The following EGFLAM variants were observed in gnomAD, a reference collection of about 807,000 sequenced individuals.
EGFLAM encodes pikachurin.
EGFLAM carries 79 observed loss-of-function variants against 113.1 expected under a neutral mutation model. That is an observed-to-expected ratio of 0.70 (90% confidence interval 0.58 to 0.84). The LOEUF (loss-of-function observed/expected upper bound fraction) is 0.84. EGFLAM is among the 40% of genes least tolerant of loss of function. EGFLAM has a pLI of 0.00. For missense variants in EGFLAM, 1,265 were observed against 1,291.6 expected, an observed-to-expected ratio of 0.98 and a Z score of 0.32; for synonymous variants, 504 against 487.6, an observed-to-expected ratio of 1.03 and a Z score of -0.44.
intron 1 of EGFLAM, among the ~76,000 whole-genome samples, chr5:38,327,228 C>T (rs1238879018): frequency 6.6e-6 from 1 of 152,194 alleles, no homozygotes; most frequent in East Asian, 1.9e-4. Context: ...GAGACAGCAC[C>T]ATTTGCTCCA....
rs558461425 is a variant in EGFLAM, at chr5:38,375,344, C to T, written c.712+4882C>T. On this transcript the variant is annotated intron_variant, in intron 6 of 21. Coordinates refer to ENST00000322350, the MANE Select transcript of EGFLAM (RefSeq NM_152403.4). Reference sequence around the variant, plus strand: ...TTGTGAGGTCAGAATTTCCACATGTCGGGCTTACCCCATTCTCGTCCCTCT... The same window carrying T: ...TTGTGAGGTCAGAATTTCCACATGTTGGGCTTACCCCATTCTCGTCCCTCT... Among the ~76,000 whole-genome samples, 117 of 152,132 alleles carry T rather than the reference C, an allele frequency of 7.7e-4. 3 individuals carry two copies. The highest frequency in any genetic ancestry group is 2.4e-4 in the Non-Finnish European group (16 of 68,016).
intron 5 of EGFLAM, among the ~76,000 whole-genome samples, chr5:38,358,340 G>A (rs746038064): frequency 4.0e-5 from 6 of 150,914 alleles, no homozygotes; most frequent in African/African-American, 7.3e-5. Context: ...CCAGCTACTC[G>A]GGAGGCTGAG....
At chr5:38,319,332 TC>T (rs1738683463) in intron 1 of EGFLAM, among the ~76,000 whole-genome samples, 1 of 152,106 alleles carries the variant, frequency 6.6e-6, no homozygotes. Flanking sequence ...AAGAGAAAAT[TC>T]AGGTTGAGAG....
At chr5:38,316,312 A>G (rs1179301678) in intron 1 of EGFLAM, among the ~76,000 whole-genome samples, 3 of 151,886 alleles carry the variant, frequency 2.0e-5, no homozygotes, top group Non-Finnish European at 4.4e-5. Context: ...TCCAGTCCCC[A>G]TGACTGTGTC....
At chr5:38,447,982 C>T (rs1006400219) in intron 17 of EGFLAM, among the ~76,000 whole-genome samples, 2 of 152,170 alleles carry the variant, frequency 1.3e-5, no homozygotes, top group East Asian at 1.9e-4. Flanking sequence ...CCCACATGGC[C>T]CAAGAGCTGC....
intron 6 of EGFLAM, among the ~76,000 whole-genome samples, chr5:38,380,791 TTAAA>T (rs33981378): frequency 0.14 from 21,597 of 152,150 alleles, 1,768 homozygotes; most frequent in African/African-American, 0.22. Flanking sequence ...ACTTTGCTGT[TTAAA>T]TACCTATTAA....
rs116946887 is a variant in EGFLAM at position 38,422,659 on chromosome 5, A to G, written c.1685-2308A>G. Among the ~76,000 whole-genome samples, 83 of 152,328 alleles carry G rather than the reference A, an allele frequency of 5.4e-4. No homozygotes were observed. In the South Asian group the frequency reaches 9.7e-3, roughly 18 times the overall value. Reference sequence around the variant, plus strand: ...AGCATATTAAGAACAGAATTATTTAATGGTGGGTGAAATAACTCCCATGAC... The same window carrying G: ...AGCATATTAAGAACAGAATTATTTAGTGGTGGGTGAAATAACTCCCATGAC... On this transcript the variant is annotated intron_variant, in intron 12 of 21. Coordinates refer to ENST00000322350, the MANE Select transcript of EGFLAM (RefSeq NM_152403.4).
chr5:38,415,539 T>G (rs555217910), intron 11 of EGFLAM, among the ~76,000 whole-genome samples: 3 of 152,134 alleles, frequency 2.0e-5, no homozygotes, highest in Admixed American at 2.0e-4. Context: ...CCAGGTGTGG[T>G]GGCATATGCC....
At chr5:38,440,234 GC>G (rs901054370) in intron 17 of EGFLAM, among the ~76,000 whole-genome samples, 2 of 152,188 alleles carry the variant, frequency 1.3e-5, no homozygotes, top group Admixed American at 6.5e-5. Flanking sequence ...AGATGAGCCA[GC>G]AGCCACCCTC....
At chr5:38,395,417 A>T (rs76269995) in intron 6 of EGFLAM, among the ~76,000 whole-genome samples, 12,869 of 151,766 alleles carry the variant, frequency 0.085, 1,866 homozygotes, top group African/African-American at 0.29. Context: ...CTGACTAATT[A>T]AAAATTTTTT....
At chr5:38,270,884 A>T (rs1305087956) in intron 1 of EGFLAM, among the ~76,000 whole-genome samples, 1 of 152,214 alleles carries the variant, frequency 6.6e-6, no homozygotes, top group Non-Finnish European at 1.5e-5. Context: ...AGAGTGGTAG[A>T]GATGTTAACT....
In EGFLAM at chr5:38,452,036, C is replaced by CTT. The variant is rs550236407; in HGVS notation, c.2687+594_2687+595dup. 3.7e-3 allele frequency among the ~76,000 whole-genome samples: 437 copies of CTT among 118,386 alleles called. 3 individuals are homozygous for CTT. The highest frequency in any genetic ancestry group is 0.013 in the African/African-American group (393 of 30,994). 77.7% of individuals were successfully genotyped at this position (118,386 alleles called of 152,430 possible). On this transcript the variant is annotated intron_variant, in intron 19 of 21. Transcript: ENST00000322350. ...AGAGTACAGCAGTATTCCAACAGGA[C>CTT]TTTTTTTTTTTTTTTTTGAGACAGG...
chr5:38,383,284 G>A (rs1740564641), intron 6 of EGFLAM, among the ~76,000 whole-genome samples: 1 of 152,140 alleles, frequency 6.6e-6, no homozygotes. Context: ...TCAAAATGAT[G>A]CAAACAACTG....
chr5:38,306,620 G>A (rs1315938817), intron 1 of EGFLAM, among the ~76,000 whole-genome samples: 3 of 152,020 alleles, frequency 2.0e-5, no homozygotes, highest in African/African-American at 4.8e-5. Context: ...AGTTACATGC[G>A]GAATATACAA....
chr5:38,411,087 A>G (rs1741461458), intron 10 of EGFLAM, among the ~76,000 whole-genome samples: 1 of 152,304 alleles, frequency 6.6e-6, no homozygotes, highest in African/African-American at 2.4e-5. Context: ...TTCAGAAACA[A>G]AGAAGGCTAA....
At chr5:38,401,209 G>A (rs1741102655) in intron 6 of EGFLAM, 1 of 152,152 alleles carries the variant, frequency 6.6e-6, no homozygotes, top group South Asian at 2.1e-4. Flanking sequence ...TTCCCTTCAA[G>A]AAACAGAATT....
At chr5:38,330,438 C>G (rs960613858) in intron 1 of EGFLAM, among the ~76,000 whole-genome samples, 1 of 152,154 alleles carries the variant, frequency 6.6e-6, no homozygotes, top group Non-Finnish European at 1.5e-5. Flanking sequence ...AAGGCAGAGG[C>G]TTCCTGGTTC....
chr5:38,393,684 A>G (rs1239872796), intron 6 of EGFLAM, among the ~76,000 whole-genome samples: 1 of 152,178 alleles, frequency 6.6e-6, no homozygotes, highest in East Asian at 1.9e-4. Context: ...AGAGTTGGGG[A>G]ACCAGAGCGA....
intron 5 of EGFLAM, among the ~76,000 whole-genome samples, chr5:38,362,776 C>T (rs1739957424): frequency 6.6e-6 from 1 of 152,212 alleles, no homozygotes; most frequent in African/African-American, 2.4e-5. Flanking sequence ...TCCCTTTGCT[C>T]AGGCCCTAAT....
Sources: allele counts gnomAD v4.1 joint callset (sites outside exome capture counted in the v4.1 genomes callset), GRCh38; gene constraint gnomAD v4.1.1; transcripts MANE v1.5; gene names NCBI Gene and HGNC (gene_info 2026-07-23, HGNC 2026-07-21).